Variants in C7 observed in about 807,000 individuals in gnomAD.
C7 encodes complement component C7.
C7 carries 83 observed loss-of-function variants against 104.8 expected under a neutral mutation model. The observed-to-expected ratio is 0.79, with a 90% CI of 0.66 to 0.95. The LOEUF (loss-of-function observed/expected upper bound fraction) is 0.95, where lower values mean the gene tolerates loss of function less well. Among genes scored for constraint, C7 ranks in the 40% least tolerant of loss-of-function variants. The pLI, the probability that C7 is intolerant of heterozygous loss-of-function variation, is 0.00. For missense variants in C7, 1,070 were observed against 1,011.2 expected (o/e 1.06, Z -0.79); for synonymous variants, 415 against 360.6 (o/e 1.15, Z -1.71).
rs1363456859 is a variant in C7, at chr5:40,976,756, C to T, written c.2081C>T (p.Pro694Leu). Residue 694 changes from proline to leucine, a missense_variant, in exon 16 of 18, where the codon CCG becomes CTG. Transcript: ENST00000313164. The part of the protein sequence containing the change: ...KNARCVQKEN[P>L]LTQAVPKCQR... The stretch of plus-strand genomic sequence containing the variant: ...CTCCCTTATCCTTTTTTAGAAAATC[C>T]GTTAACACAGGCAGTGCCTAAATGT... 1.2e-5 allele frequency: 19 copies of T among 1,593,370 alleles called. No individual in the cohort carries two copies. The highest frequency in any genetic ancestry group is 4.5e-5 in the East Asian group (2 of 44,318).
intron 15 of C7, among the ~76,000 whole-genome samples, chr5:40,975,285 CTAA>C (rs1211382899): frequency 2.0e-5 from 3 of 151,694 alleles, no homozygotes; most frequent in Admixed American, 6.6e-5. Context: ...TGTTTTACCA[CTAA>C]TGTCTCTTTT....
At position 40,928,645 on chromosome 5, in the gene C7, T is replaced by C; in HGVS notation, c.62+10T>C. On this transcript the variant is annotated intron_variant, in intron 2 of 17. Transcript: ENST00000313164. The stretch of plus-strand genomic sequence containing the variant: ...TCCAAAGTTTTTCAAGGTGAGGACT[T>C]TTTGGGTTGTGTGTAAAAATCATTA... The C allele has an allele frequency of 6.6e-7, 1 of 1,517,164 alleles. No homozygotes were observed. Among genetic ancestry groups the C allele is most frequent in the Non-Finnish European group, 9.0e-7 (1 of 1,117,304 alleles). The allele number at this position is 1,517,164 out of a possible 1,614,324, so 94.0% of individuals were successfully genotyped here. A position where few individuals can be genotyped will look rare whatever the true frequency, so the allele number is the denominator to read the frequency against.
intron 9 of C7, 139 bp downstream of exon 9, chr5:40,950,153 A>G (rs753294594): frequency 7.5e-4 from 457 of 607,816 alleles, no homozygotes; most frequent in Non-Finnish European, 1.1e-3. Context: ...TCACCCAAGT[A>G]TTAAGCCTAG....
Position 40,942,850 on chromosome 5 carries a change from C to T in C7, c.568-2348C>T, listed in dbSNP as rs138783819. 3.6e-4 allele frequency among the ~76,000 whole-genome samples: 55 copies of T among 151,808 alleles called. 1 individual carries two copies. The highest frequency in any genetic ancestry group is 6.8e-3 in the Middle Eastern group (2 of 294). On this transcript the variant is annotated intron_variant, in intron 6 of 17. Transcript: ENST00000313164. ...CGTGATCTCGGCTCCCTGCAACCTC[C>T]GCCTCCTGGGTTCAAGCGATTCTCC...
At chr5:40,943,206 C>T (rs1013459188) in intron 6 of C7, among the ~76,000 whole-genome samples, 1 of 152,106 alleles carries the variant, frequency 6.6e-6, no homozygotes, top group African/African-American at 2.4e-5. Flanking sequence ...AGTGAAAAAA[C>T]TGAAAGTATT....
At chr5:40,921,049 CA>C (rs34006222) in intron 1 of C7, among the ~76,000 whole-genome samples, 3,152 of 126,258 alleles carry the variant, frequency 0.025, 110 homozygotes, top group Admixed American at 0.11. Context: ...ACTCTGTCTC[CA>C]AAAAAAAAAA....
chr5:40,934,709 T>C (rs1739778038), intron 4 of C7, among the ~76,000 whole-genome samples: 1 of 152,208 alleles, frequency 6.6e-6, no homozygotes. Flanking sequence ...AATGGAACTC[T>C]AGTTACTGAC....
At chr5:40,919,048 T>A (rs952030650) in intron 1 of C7, among the ~76,000 whole-genome samples, 1 of 151,102 alleles carries the variant, frequency 6.6e-6, no homozygotes, top group African/African-American at 2.4e-5. Context: ...CACACAGAAC[T>A]TTCTCCAGGA....
chr5:40,957,953 A>T, intron 10 of C7, 80 bp from the exon 11 acceptor site: 3 of 889,680 alleles, frequency 3.4e-6, no homozygotes, highest in Non-Finnish European at 4.9e-6. Context: ...TGTTTTAATG[A>T]GAGTCGTGCC....
At chr5:40,954,859 A>G (rs1467321257) in intron 9 of C7, 1 of 213,754 alleles carries the variant, frequency 4.7e-6, no homozygotes, top group African/African-American at 2.8e-5. Context: ...CCTGGGCTAC[A>G]GAGTGAGAAT....
At chr5:40,954,682 G>A (rs570014036) in intron 9 of C7, among the ~76,000 whole-genome samples, 34 of 151,654 alleles carry the variant, frequency 2.2e-4, no homozygotes, top group African/African-American at 7.7e-4. Context: ...CCAGGAGTTC[G>A]AGACCAGTCT....
chr5:40,959,447 A>C lies in C7; in HGVS notation c.1490-2A>C, dbSNP rs778313738. 2 of 1,608,842 alleles carry C rather than the reference A, an allele frequency of 1.2e-6. No individual in the cohort carries two copies. The highest frequency in any genetic ancestry group is 1.3e-5 in the African/African-American group (1 of 74,818). ...TTGATCAACCTCTTTCTCATCTTGT[A>C]GGAGGGGTTGATGGAGGTTGGAGTT... is the stretch of plus-strand genomic sequence containing the variant. On this transcript the variant is annotated splice_acceptor_variant, in intron 11 of 17. Coordinates refer to ENST00000313164, the MANE Select transcript of C7 (RefSeq NM_000587.4). LOFTEE classifies it high-confidence loss of function.
At chr5:40,970,792 T>C (rs937458044) in intron 14 of C7, among the ~76,000 whole-genome samples, 46 of 152,144 alleles carry the variant, frequency 3.0e-4, no homozygotes, top group Non-Finnish European at 5.4e-4. Context: ...CAGTGTGTGA[T>C]GTTCCACTCC....
chr5:40,922,371 T>A (rs1579839637), intron 1 of C7, among the ~76,000 whole-genome samples: 1 of 49,210 alleles, frequency 2.0e-5, no homozygotes, highest in Non-Finnish European at 3.3e-5. Flanking sequence ...TGAGACTCTG[T>A]CTCAAAAAAA....
Position 40,945,341 on chromosome 5 carries a change from A to G in C7, c.711A>G (p.Ser237=). Residue 237 remains serine, a synonymous_variant, in exon 7 of 18, where the codon TCA becomes TCG. Coordinates refer to ENST00000313164, the MANE Select transcript of C7 (RefSeq NM_000587.4). ...SSSSSSRSYT[S]HTNEIHKGKS... ...CATCTTCTTCACGCAGTTATACTTC[A>G]CATACCAATGAAATCCATAAAGGAA... is the stretch of plus-strand genomic sequence containing the variant. 6.3e-7 allele frequency: 1 copy of G among 1,598,122 alleles called. No individual in the cohort carries two copies.
At chr5:40,941,148 C>G (rs1260482438) in intron 6 of C7, among the ~76,000 whole-genome samples, 1 of 151,278 alleles carries the variant, frequency 6.6e-6, no homozygotes, top group Non-Finnish European at 1.5e-5. Context: ...ACTGCAACCT[C>G]TGCCTCCTGT....
Position 40,958,104 on chromosome 5 carries a change from T to A in C7, c.1332T>A (p.Ala444=), listed in dbSNP as rs768813745. ...ASVKKLYLKW[A]LEEYLDEFDP... is the part of the protein sequence containing the mutation. ...TGAAAAAACTATACCTGAAATGGGC[T>A]CTTGAAGAGTATCTGGATGAATTTG... Residue 444 remains alanine (A), a synonymous_variant, in exon 11 of 18, where the codon GCT becomes GCA. Transcript: ENST00000313164. 1 of 1,613,848 alleles carries A rather than the reference T, an allele frequency of 6.2e-7. No individual in the cohort carries two copies. Among genetic ancestry groups the A allele is most frequent in the South Asian group, 1.1e-5 (1 of 91,080 alleles).
At chr5:40,921,852 T>C (rs1286162145) in intron 1 of C7, among the ~76,000 whole-genome samples, 1 of 151,260 alleles carries the variant, frequency 6.6e-6, no homozygotes, top group Non-Finnish European at 1.5e-5. Context: ...CTGACCAACA[T>C]GGTGAAACCC....
At chr5:40,909,654 A>G in intron 1 of C7, 38 bp downstream of exon 1, 1 of 1,450,818 alleles carries the variant, frequency 6.9e-7, no homozygotes, top group South Asian at 1.4e-5. Flanking sequence ...AAATGAAGCT[A>G]TCTTTTCAAA....
Sources: gnomAD v4.1 joint callset for allele counts (sites outside exome capture counted in the v4.1 genomes callset) on GRCh38, gnomAD v4.1.1 for gene constraint, MANE v1.5 for transcripts, NCBI Gene and HGNC (gene_info 2026-07-23, HGNC 2026-07-21) for gene names.